RYR3: variants seen among roughly 807,000 people sequenced by gnomAD.
The protein encoded by RYR3 is brain ryanodine receptor-calcium release channel.
In RYR3, 207 loss-of-function variants were observed where a neutral mutation model predicts 584.3. The ratio of observed to expected loss-of-function variants is 0.35; its 90% CI spans 0.32 to 0.40. RYR3 has a LOEUF of 0.40. RYR3 is among the 10% of genes least tolerant of loss of function. The pLI, the probability that RYR3 is intolerant of heterozygous loss-of-function variation, is 1.00. For missense variants in RYR3, 5,616 were observed against 6,089.2 expected, an observed-to-expected ratio of 0.92 and a Z score of 2.59; for synonymous variants, 2,416 against 2,248.5, an observed-to-expected ratio of 1.07 and a Z score of -2.11.
intron 16 of RYR3, among the ~76,000 whole-genome samples, chr15:33,586,396 G>C (rs1397924193): frequency 6.6e-6 from 1 of 152,188 alleles, no homozygotes; most frequent in Non-Finnish European, 1.5e-5. Context: ...AGTAGGCCCT[G>C]TCTGCACATG....
At chr15:33,832,180 G>A (rs555656632) in intron 86 of RYR3, among the ~76,000 whole-genome samples, 4 of 151,936 alleles carry the variant, frequency 2.6e-5, no homozygotes, top group East Asian at 1.9e-4. Flanking sequence ...TGTAGTACCC[G>A]CTACTCGGGA....
chr15:33,378,427 G>A (rs748767970), intron 1 of RYR3, among the ~76,000 whole-genome samples: 2 of 152,170 alleles, frequency 1.3e-5, no homozygotes, highest in Non-Finnish European at 2.9e-5. Flanking sequence ...ACTTAAAAGG[G>A]TTCCTCATCC....
intron 2 of RYR3, among the ~76,000 whole-genome samples, chr15:33,477,877 G>GAAAA (rs58200056): frequency 8.0e-5 from 5 of 62,616 alleles, no homozygotes; most frequent in East Asian, 4.7e-4. Flanking sequence ...TCTGTCTCAA[G>GAAAA]AAAAAAAAAA....
At chr15:33,821,212 T>C in intron 78 of RYR3, 58 bp from the exon 79 acceptor site, 1 of 1,385,556 alleles carries the variant, frequency 7.2e-7, no homozygotes, top group African/African-American at 1.4e-5. Context: ...TCACTATGGG[T>C]GAACTCCCTG....
intron 96 of RYR3, 61 bp downstream of exon 96, chr15:33,853,743 C>G: frequency 6.4e-7 from 1 of 1,562,780 alleles, no homozygotes; most frequent in Non-Finnish European, 8.7e-7. Context: ...TTTGCTTTTC[C>G]ATAGGAAAAA....
chr15:33,727,582 C>T (rs888427066), intron 46 of RYR3, among the ~76,000 whole-genome samples: 4 of 152,186 alleles, frequency 2.6e-5, no homozygotes, highest in African/African-American at 7.2e-5. Context: ...ACACCAGGCA[C>T]GCATGAGAGA....
intron 3 of RYR3, among the ~76,000 whole-genome samples, chr15:33,518,145 C>T (rs1167761542): frequency 6.6e-6 from 1 of 152,150 alleles, no homozygotes; most frequent in African/African-American, 2.4e-5. Flanking sequence ...CTGGCACTTC[C>T]TCTCACTGTG....
chr15:33,726,238 C>A (rs2068444823), intron 45 of RYR3, 148 bp from the exon 46 acceptor site: 1 of 797,054 alleles, frequency 1.3e-6, no homozygotes, highest in Non-Finnish European at 2.0e-6. Flanking sequence ...TCCTCTTTCC[C>A]TGTGGCCACA....
At chr15:33,348,469 T>G (rs1457396309) in intron 1 of RYR3, among the ~76,000 whole-genome samples, 1 of 152,172 alleles carries the variant, frequency 6.6e-6, no homozygotes, top group African/African-American at 2.4e-5. Flanking sequence ...TAAGTGATTT[T>G]ATTTTATTTA....
chr15:33,736,340 T>C lies in RYR3; in HGVS notation c.7515+15T>C. The stretch of plus-strand genomic sequence containing the variant: ...TGCCTCTCAAGGTAAACATCACTAT[T>C]GTTACAGAAATACAGTCTATTGCAC... On this transcript the variant is annotated intron_variant, in intron 49 of 103. Transcript: ENST00000634891. The C allele has an allele frequency of 6.4e-7, 1 of 1,570,924 alleles. No individual in the cohort carries two copies. Among genetic ancestry groups the C allele is most frequent in the Non-Finnish European group, 8.7e-7 (1 of 1,144,760 alleles).
intron 1 of RYR3, among the ~76,000 whole-genome samples, chr15:33,434,721 G>A (rs542406956): frequency 1.3e-5 from 2 of 152,166 alleles, no homozygotes; most frequent in Non-Finnish European, 2.9e-5. Context: ...CCTCTTCAGA[G>A]ATAACCTCTA....
chr15:33,801,125 A>G (rs150893510), intron 68 of RYR3, among the ~76,000 whole-genome samples: 68 of 152,334 alleles, frequency 4.5e-4, no homozygotes, highest in Middle Eastern at 6.8e-3. Context: ...ACCTTGGTTT[A>G]GCCCAGAAAG....
chr15:33,354,077 C>A (rs1425294584), intron 1 of RYR3, among the ~76,000 whole-genome samples: 1 of 152,138 alleles, frequency 6.6e-6, no homozygotes, highest in African/African-American at 2.4e-5. Context: ...GGTTTGGGTT[C>A]TACAGCAAAA....
intron 48 of RYR3, 143 bp from the exon 49 acceptor site, chr15:33,736,092 A>G (rs1261511331): frequency 6.8e-6 from 4 of 588,970 alleles, no homozygotes; most frequent in South Asian, 2.2e-5. Context: ...TTCATCATCT[A>G]CTCTTGTTTA....
intron 65 of RYR3, among the ~76,000 whole-genome samples, chr15:33,781,033 A>G (rs1317824855): frequency 6.6e-6 from 1 of 152,202 alleles, no homozygotes; most frequent in Non-Finnish European, 1.5e-5. Context: ...GAGTAGAGGC[A>G]GGAAAGTTTG....
chr15:33,606,676 G>A (rs948322930), intron 18 of RYR3, among the ~76,000 whole-genome samples: 7 of 152,044 alleles, frequency 4.6e-5, no homozygotes, highest in Admixed American at 3.9e-4. Context: ...GCTCTTTTTC[G>A]TGATGGTCTC....
At chr15:33,721,311 G>C (rs186516705) in intron 43 of RYR3, among the ~76,000 whole-genome samples, 11 of 152,304 alleles carry the variant, frequency 7.2e-5, no homozygotes, top group African/African-American at 2.6e-4. Flanking sequence ...GTCCCAGACA[G>C]GCCTTCGGAA....
chr15:33,780,325 C>T lies in RYR3; in HGVS notation c.9252C>T (p.Thr3084=), dbSNP rs933577941. ...CACTCTCGGTCTTCAACACCAAAAC[C>T]CCCAGGGAGAGGTCTAGTAAGTATC... is the stretch of plus-strand genomic sequence containing the variant. ...YNPLSVFNTK[T]PRERSILGMP... Residue 3084 remains threonine, a synonymous_variant, in exon 65 of 104, where the codon ACC becomes ACT. Coordinates refer to ENST00000634891, the MANE Select transcript of RYR3 (RefSeq NM_001036.6). 1.2e-6 allele frequency: 2 copies of T among 1,613,672 alleles called. No individual in the cohort carries two copies. The highest frequency in any genetic ancestry group is 2.2e-5 in the East Asian group (1 of 44,872).
chr15:33,527,586 CAA>C (rs34864486), intron 3 of RYR3, among the ~76,000 whole-genome samples: 13 of 127,528 alleles, frequency 1.0e-4, no homozygotes, highest in Admixed American at 1.5e-4. Flanking sequence ...AACTCTGTCT[CAA>C]AAAAAAAAAA....
Sources: gnomAD v4.1 joint callset for allele counts (sites outside exome capture counted in the v4.1 genomes callset) on GRCh38, gnomAD v4.1.1 for gene constraint, MANE v1.5 for transcripts, NCBI Gene and HGNC (gene_info 2026-07-23, HGNC 2026-07-21) for gene names.